The following RAD50 variants were observed in gnomAD, a reference collection of about 807,000 sequenced individuals.
RAD50 encodes the protein DNA repair protein RAD50.
RAD50 carries 132 observed loss-of-function variants against 168.8 expected under a neutral mutation model. The ratio of observed to expected loss-of-function variants is 0.78; its 90% CI spans 0.68 to 0.90. The LOEUF is 0.90. Ranked by LOEUF, RAD50 falls within the 40% of genes least tolerant of loss-of-function variation. The probability of loss-of-function intolerance (pLI) is 0.00; values close to 1 mark genes in which losing one functional copy is unlikely to be tolerated. For missense variants in RAD50, 1,347 were observed against 1,534.4 expected, an observed-to-expected ratio of 0.88 and a Z score of 2.04; for synonymous variants, 525 against 497.4, an observed-to-expected ratio of 1.06 and a Z score of -0.74.
In RAD50 at chr5:132,579,902, A is replaced by C; in HGVS notation, c.592A>C (p.Thr198Pro). The C allele has an allele frequency of 6.2e-7, 1 of 1,613,190 alleles. No homozygotes were observed. Among genetic ancestry groups the C allele is most frequent in the African/African-American group, 1.3e-5 (1 of 75,038 alleles). The change falls in exon 5 of 25, where the codon ACA becomes CCA. Residue 198 changes from threonine to proline, a missense_variant. Around this residue, in one of 3 missense-constraint regions of RAD50, gnomAD observed 703 missense variants for 767.7 expected, o/e 0.92. Coordinates refer to ENST00000378823, the MANE Select transcript of RAD50 (RefSeq NM_005732.4). ...ALETLRQVRQ[T>P]QGQKVKEYQM... ...AGAAACACTTCGGCAGGTACGTCAGACACAAGGTCAGAAAGTAAAAGAATA... is the reference window on the plus strand; with the variant it reads ...AGAAACACTTCGGCAGGTACGTCAGCCACAAGGTCAGAAAGTAAAAGAATA...
At chr5:132,616,693 C>T (rs1393468912) in intron 20 of RAD50, among the ~76,000 whole-genome samples, 1 of 152,140 alleles carries the variant, frequency 6.6e-6, no homozygotes, top group East Asian at 1.9e-4. Context: ...GAGTTAGTTG[C>T]CTTAGGAATT....
intron 11 of RAD50, chr5:132,593,487 T>G (rs779638880): frequency 2.6e-5 from 4 of 152,254 alleles, no homozygotes; most frequent in Non-Finnish European, 5.9e-5. Context: ...CTTGAAAATT[T>G]GTAGACCTAT....
chr5:132,557,167 C>T lies in RAD50; in HGVS notation c.-158C>T, dbSNP rs1750012636. The stretch of plus-strand genomic sequence containing the variant: ...CCCGCCCCCTCTCTCCCGCTGTTGG[C>T]TGGCAGGATCTTTTGGCAGTCCTGT... On this transcript the variant is annotated 5_prime_UTR_variant, in exon 1 of 25. Coordinates refer to ENST00000378823, the MANE Select transcript of RAD50 (RefSeq NM_005732.4). The T allele has an allele frequency of 1.4e-4, 143 of 992,612 alleles. No individual in the cohort carries two copies. The South Asian group carries it at 1.9e-3, about 13-fold the overall frequency. 61.5% of individuals were successfully genotyped at this position (992,612 alleles called of 1,614,324 possible).
At chr5:132,579,238 A>T (rs2149837646) in intron 3 of RAD50, 79 bp from the exon 4 acceptor site, 6 of 1,416,952 alleles carry the variant, frequency 4.2e-6, no homozygotes, top group Non-Finnish European at 5.9e-6. Context: ...TTAAAGAAGT[A>T]CAGTATGAAT....
In RAD50 at chr5:132,594,861, T is replaced by C; in HGVS notation, c.1794-8T>C. ...TAAAATGAAAATCCATATTTGCTCT[T>C]ATTTTAGCAAGGAACTAGCTTCATC... On this transcript the variant is annotated splice_polypyrimidine_tract_variant and splice_region_variant and intron_variant, in intron 11 of 24. Coordinates refer to ENST00000378823, the MANE Select transcript of RAD50 (RefSeq NM_005732.4). 6.3e-7 allele frequency: 1 copy of C among 1,596,002 alleles called. No homozygotes were observed. The highest frequency in any genetic ancestry group is 8.6e-7 in the Non-Finnish European group (1 of 1,164,184).
At position 132,603,269 on chromosome 5, in the gene RAD50, T is replaced by C. The variant is rs746327554; in HGVS notation, c.2208-31T>C. On this transcript the variant is annotated intron_variant, in intron 13 of 24. Coordinates refer to ENST00000378823, the MANE Select transcript of RAD50 (RefSeq NM_005732.4). Reference sequence around the variant, plus strand: ...CAGTCTAACTGTGAGAAACATCAGATACTTTATTTTTAATTGTGTTTTCTA... The same window carrying C: ...CAGTCTAACTGTGAGAAACATCAGACACTTTATTTTTAATTGTGTTTTCTA... 2.2e-5 allele frequency: 35 copies of C among 1,559,854 alleles called. 3 individuals are homozygous for C. The South Asian group carries it at 3.9e-4, about 17-fold the overall frequency.
At chr5:132,629,292 T>C (rs1289234548) in intron 21 of RAD50, among the ~76,000 whole-genome samples, 2 of 152,220 alleles carry the variant, frequency 1.3e-5, no homozygotes, top group African/African-American at 2.4e-5. Context: ...GCTGACAGTC[T>C]GTCTGATGGA....
At chr5:132,558,126 G>T (rs1287580100) in intron 1 of RAD50, among the ~76,000 whole-genome samples, 1 of 152,164 alleles carries the variant, frequency 6.6e-6, no homozygotes, top group Non-Finnish European at 1.5e-5. Context: ...GTATAGCAGG[G>T]AGAAGAGTCT....
chr5:132,557,189 C>T lies in RAD50; in HGVS notation c.-136C>T, dbSNP rs1047162698. 5.7e-6 allele frequency: 7 copies of T among 1,226,458 alleles called. No homozygotes were observed. The highest frequency in any genetic ancestry group is 5.9e-6 in the Non-Finnish European group (5 of 842,288). 76.0% of individuals were successfully genotyped at this position (1,226,458 alleles called of 1,614,324 possible). A position where few individuals can be genotyped will look rare whatever the true frequency, so the allele number is the denominator to read the frequency against. On this transcript the variant is annotated 5_prime_UTR_variant, in exon 1 of 25. Coordinates refer to ENST00000378823, the MANE Select transcript of RAD50 (RefSeq NM_005732.4). The stretch of plus-strand genomic sequence containing the variant: ...TGGCTGGCAGGATCTTTTGGCAGTC[C>T]TGTGGCCTCGCTCCCCGCCCGGATC...
chr5:132,640,079 A>C (rs1038483157), intron 23 of RAD50, among the ~76,000 whole-genome samples: 1 of 152,176 alleles, frequency 6.6e-6, no homozygotes, highest in East Asian at 1.9e-4. Context: ...GTAACCACGA[A>C]AATGCCTAAC....
chr5:132,557,466 T>C lies in RAD50; in HGVS notation c.129+13T>C, dbSNP rs770373832. 1 of 1,614,112 alleles carries C rather than the reference T, an allele frequency of 6.2e-7. No individual in the cohort carries two copies. Among genetic ancestry groups the C allele is most frequent in the Non-Finnish European group, 8.5e-7 (1 of 1,179,914 alleles). ...GGCGGGAAAGACGGTAAGTCTTCAG[T>C]AGCCGCCTTCAGTTTACAGGTCGCT... On this transcript the variant is annotated intron_variant, in intron 1 of 24. Transcript: ENST00000378823.
In RAD50 at chr5:132,640,765, G is replaced by C. The variant is rs1554101195; in HGVS notation, c.3712G>C (p.Asp1238His). ...CTTGGATGAGCCAACAACAAATCTT[G>C]ACCGAGAAAACATTGAATCTCTTGC... ...IALDEPTTNL[D>H]RENIESLAHA... The change falls in exon 24 of 25, where the codon GAC becomes CAC. Residue 1238 changes from aspartate (D) to histidine (H), a missense_variant. Coordinates refer to ENST00000378823, the MANE Select transcript of RAD50 (RefSeq NM_005732.4). 1 of 1,614,140 alleles carries C rather than the reference G, an allele frequency of 6.2e-7. No homozygotes were observed. Among genetic ancestry groups the C allele is most frequent in the Non-Finnish European group, 8.5e-7 (1 of 1,180,020 alleles).
chr5:132,642,037 A>G, intron 24 of RAD50, 141 bp from the exon 25 acceptor site: 1 of 864,576 alleles, frequency 1.2e-6, no homozygotes, highest in East Asian at 2.6e-5. Flanking sequence ...GCCTGGGGCC[A>G]CCCCTCCACT....
chr5:132,564,684 A>G (rs981333639), intron 2 of RAD50, among the ~76,000 whole-genome samples: 1 of 152,210 alleles, frequency 6.6e-6, no homozygotes, highest in African/African-American at 2.4e-5. Flanking sequence ...GCATAAGTAA[A>G]GAGGAGCAGA....
intron 21 of RAD50, among the ~76,000 whole-genome samples, chr5:132,636,644 T>TC (rs1223930992): frequency 6.6e-6 from 1 of 152,150 alleles, no homozygotes. Context: ...TCTCCTATTT[T>TC]CCCCATAGAC....
At position 132,579,953 on chromosome 5, in the gene RAD50, C is replaced by CAAT; in HGVS notation, c.645_647dup (p.Gln215_Tyr216insTer). 1 of 1,611,176 alleles carries CAAT rather than the reference C, an allele frequency of 6.2e-7. No individual in the cohort carries two copies. Among genetic ancestry groups the CAAT allele is most frequent in the South Asian group, 1.1e-5 (1 of 91,014 alleles). ...TCAAATGGAACTAAAATATCTGAAG[C>CAAT]AATATAAGGAAAAAGCTTGTGAGAT... is the stretch of plus-strand genomic sequence containing the variant. On this transcript the variant is annotated stop_gained and inframe_insertion, in exon 5 of 25. Coordinates refer to ENST00000378823, the MANE Select transcript of RAD50 (RefSeq NM_005732.4). LOFTEE classifies it high-confidence loss of function.
chr5:132,588,815 A>C lies in RAD50; in HGVS notation c.1180A>C (p.Lys394Gln), dbSNP rs757585822. The C allele has an allele frequency of 3.7e-6, 6 of 1,613,978 alleles. No homozygotes were observed. The highest frequency in any genetic ancestry group is 5.1e-6 in the Non-Finnish European group (6 of 1,179,972). Residue 394 changes from lysine to glutamine, a missense_variant, in exon 8 of 25, where the codon AAA (lysine) becomes CAA (glutamine). Lys to Gln is a moderately conservative substitution (Grantham distance 53). This residue lies in a region of RAD50 where 703 missense variants were observed against 767.7 expected (regional missense o/e 0.92). Transcript: ENST00000378823. ...ERGPFSERQI[K>Q]NFHKLVRERQ... ...TGGACCATTCAGTGAAAGACAGATT[A>C]AAAATTTTCACAAACTTGTGAGAGA...
rs573519219 is a variant in RAD50, at chr5:132,557,972, CTCAG to C, written c.129+523_129+526del. ...ACTTGGAAAACTTCTCTTCTTAAAA[CTCAG>C]TCAAAAATTTAACGTTGGTGCACGA... On this transcript the variant is annotated intron_variant, in intron 1 of 24. Coordinates refer to ENST00000378823, the MANE Select transcript of RAD50 (RefSeq NM_005732.4). 7.3e-5 allele frequency among the ~76,000 whole-genome samples: 11 copies of C among 149,664 alleles called. No individual in the cohort carries two copies. In the South Asian group the frequency reaches 2.3e-3, roughly 31 times the overall value.
chr5:132,591,484 A>G (rs1750699720), intron 10 of RAD50, 78 bp downstream of exon 10: 4 of 1,384,596 alleles, frequency 2.9e-6, no homozygotes, highest in East Asian at 2.4e-5. Context: ...GTCATAGACT[A>G]TAAGGTATTA....
Sources: gnomAD v4.1 joint callset for allele counts (sites outside exome capture counted in the v4.1 genomes callset) on GRCh38, gnomAD v4.1.1 for gene constraint, gnomAD v4.1.1 regional missense constraint, MANE v1.5 for transcripts, NCBI Gene and HGNC (gene_info 2026-07-23, HGNC 2026-07-21) for gene names.